UGT2B17: variants seen among roughly 807,000 people sequenced by gnomAD.
UGT2B17 encodes the protein UDP glucuronosyltransferase family 2 member B17.
In UGT2B17, 21 loss-of-function variants were observed where a neutral mutation model predicts 48.2. That is an observed-to-expected ratio of 0.44 (90% confidence interval 0.31 to 0.63). The LOEUF (loss-of-function observed/expected upper bound fraction) is 0.63. Among genes scored for constraint, UGT2B17 ranks in the 20% least tolerant of loss-of-function variants. UGT2B17 has a pLI of 0.08. For missense variants in UGT2B17, 402 were observed against 696.1 expected (o/e 0.58, Z 4.75); for synonymous variants, 146 against 238.4 (o/e 0.61, Z 3.57).
chr4:68,549,080 G>C (rs1578166358), intron 6 of UGT2B17, among the ~76,000 whole-genome samples: 2 of 123,650 alleles, frequency 1.6e-5, no homozygotes, highest in Admixed American at 8.4e-5. Flanking sequence ...CCTGTTTTCT[G>C]TTTCTTTGCT....
rs1360107986 is a variant in UGT2B17, at chr4:68,540,836, C to G, written c.1314-2932G>C. Among the ~76,000 whole-genome samples the G allele has an allele frequency of 1.6e-5, 2 of 124,700 alleles. 1 individual carries two copies. The highest frequency in any genetic ancestry group is 7.7e-4 in the South Asian group (2 of 2,594). The allele number at this position is 124,700 out of a possible 152,430, so 81.8% of individuals were successfully genotyped here. On this transcript the variant is annotated intron_variant, in intron 6 of 6. Transcript: ENST00000317746. ...AATGGCCCCGGTGTGTTTTGCTCCC[C>G]TCCCTGAGTCCATGTATTCTCATTT...
chr4:68,552,958 T>C lies in UGT2B17; in HGVS notation c.1006-1047A>G, dbSNP rs1315821299. Among the ~76,000 whole-genome samples the C allele has an allele frequency of 1.6e-5, 2 of 124,606 alleles. 1 individual carries two copies. Among genetic ancestry groups the C allele is most frequent in the Non-Finnish European group, 3.4e-5 (2 of 59,108 alleles). 81.7% of individuals were successfully genotyped at this position (124,606 alleles called of 152,430 possible). On this transcript the variant is annotated intron_variant, in intron 4 of 6. Coordinates refer to ENST00000317746, the MANE Select transcript of UGT2B17 (RefSeq NM_001077.4). ...TTGAGCTCACTCCCAGGAGGGAGGA[T>C]AAATTTGAGGTTTCTTTCCTACTTC...
chr4:68,572,449 G>A (rs1349273172), intron 1 of UGT2B17, among the ~76,000 whole-genome samples: 2 of 126,162 alleles, frequency 1.6e-5, no homozygotes, highest in Non-Finnish European at 3.4e-5. Flanking sequence ...CAAACAATTT[G>A]TTGTTGTTTT....
chr4:68,560,023 G>T (rs538315940), intron 4 of UGT2B17, among the ~76,000 whole-genome samples: 1 of 132,178 alleles, frequency 7.6e-6, no homozygotes, highest in African/African-American at 2.6e-5. Context: ...TGAACAGAAC[G>T]CTAAATAGAC....
chr4:68,557,489 G>A (rs1180020216), intron 4 of UGT2B17, among the ~76,000 whole-genome samples: 2 of 123,200 alleles, frequency 1.6e-5, no homozygotes, highest in South Asian at 3.7e-4. Context: ...TAATCTTTTT[G>A]ACTTTGCTTA....
At chr4:68,575,402 C>T (rs1731357223) in intron 1 of UGT2B17, among the ~76,000 whole-genome samples, 1 of 124,566 alleles carries the variant, frequency 8.0e-6, no homozygotes, top group African/African-American at 2.8e-5. Flanking sequence ...CTTCTGATGG[C>T]TAACCTACCT....
At chr4:68,561,400 T>C (rs2109772832) in intron 3 of UGT2B17, among the ~76,000 whole-genome samples, 1 of 124,448 alleles carries the variant, frequency 8.0e-6, no homozygotes, top group Middle Eastern at 4.0e-3. Context: ...CCATTTATAA[T>C]ACAGTATTAT....
At position 68,552,572 on chromosome 4, in the gene UGT2B17, G is replaced by A. The variant is rs1730936761; in HGVS notation, c.1006-661C>T. 3.2e-5 allele frequency among the ~76,000 whole-genome samples: 4 copies of A among 125,762 alleles called. 2 individuals are homozygous for A. The Admixed American group carries it at 3.3e-4, about 10-fold the overall frequency. 82.5% of individuals were successfully genotyped at this position (125,762 alleles called of 152,430 possible). On this transcript the variant is annotated intron_variant, in intron 4 of 6. Coordinates refer to ENST00000317746, the MANE Select transcript of UGT2B17 (RefSeq NM_001077.4). ...TCATGGGTGCACATTTTCAACCTTG[G>A]CAAAATAAACTTTCTAAATTAACTG...
chr4:68,541,116 A>T lies in UGT2B17; in HGVS notation c.1314-3212T>A, dbSNP rs1230241124. On this transcript the variant is annotated intron_variant, in intron 6 of 6. Coordinates refer to ENST00000317746, the MANE Select transcript of UGT2B17 (RefSeq NM_001077.4). ...AGTGCTGCAATAGACATACATGTGC[A>T]TGTGTCTTTACAGTAGAATGATTTA... Among the ~76,000 whole-genome samples, 2 of 125,950 alleles carry T rather than the reference A, an allele frequency of 1.6e-5. 1 individual carries two copies. Among genetic ancestry groups the T allele is most frequent in the Non-Finnish European group, 3.4e-5 (2 of 59,636 alleles). 82.6% of individuals were successfully genotyped at this position (125,950 alleles called of 152,430 possible).
chr4:68,550,612 A>G, intron 6 of UGT2B17, 65 bp downstream of exon 6: 2 of 1,204,556 alleles, frequency 1.7e-6, no homozygotes, highest in Non-Finnish European at 2.2e-6. Context: ...AAGGGTTCAA[A>G]CTCATATTCA....
intron 1 of UGT2B17, among the ~76,000 whole-genome samples, chr4:68,573,668 T>A (rs1263753317): frequency 7.9e-6 from 1 of 126,434 alleles, no homozygotes; most frequent in Non-Finnish European, 1.7e-5. Flanking sequence ...CCCAATGGAC[T>A]AAGGCACAAA....
intron 2 of UGT2B17, among the ~76,000 whole-genome samples, chr4:68,566,379 C>T (rs1270062722): frequency 8.5e-6 from 1 of 117,782 alleles, no homozygotes; most frequent in Non-Finnish European, 1.7e-5. Context: ...TATGGTTTGA[C>T]TGTCCCCACC....
At chr4:68,553,710 TC>T (rs1730954827) in intron 4 of UGT2B17, among the ~76,000 whole-genome samples, 2 of 125,282 alleles carry the variant, frequency 1.6e-5, no homozygotes, top group South Asian at 7.5e-4. Context: ...GTTATTTTTT[TC>T]CTCCTAGGAA....
intron 1 of UGT2B17, among the ~76,000 whole-genome samples, chr4:68,569,171 A>T (rs1204772211): frequency 8.1e-6 from 1 of 123,790 alleles, no homozygotes; most frequent in Non-Finnish European, 1.7e-5. Flanking sequence ...TGCATTGTGA[A>T]TTTTAGCTGC....
intron 3 of UGT2B17, among the ~76,000 whole-genome samples, chr4:68,562,839 A>G (rs1377904438): frequency 7.9e-6 from 1 of 126,148 alleles, no homozygotes; most frequent in African/African-American, 2.7e-5. Flanking sequence ...ATGCCTTTTT[A>G]TCCTACAAAA....
chr4:68,542,048 G>T lies in UGT2B17; in HGVS notation c.1314-4144C>A, dbSNP rs1379840329. Among the ~76,000 whole-genome samples, 3 of 124,706 alleles carry T rather than the reference G, an allele frequency of 2.4e-5. 1 individual carries two copies. The highest frequency in any genetic ancestry group is 8.1e-3 in the Middle Eastern group (2 of 248). 81.8% of individuals were successfully genotyped at this position (124,706 alleles called of 152,430 possible). On this transcript the variant is annotated intron_variant, in intron 6 of 6. Coordinates refer to ENST00000317746, the MANE Select transcript of UGT2B17 (RefSeq NM_001077.4). ...ACTATGCTGGTTTGGTTACTGTAAGGTGTAAGGAAGGGATCCAGTTGCAGT... is the reference window on the plus strand; with the variant it reads ...ACTATGCTGGTTTGGTTACTGTAAGTTGTAAGGAAGGGATCCAGTTGCAGT...
intron 2 of UGT2B17, among the ~76,000 whole-genome samples, chr4:68,567,014 G>T (rs1204075212): frequency 8.3e-6 from 1 of 120,586 alleles, no homozygotes; most frequent in African/African-American, 2.8e-5. Flanking sequence ...AATATAATTA[G>T]ATTTTTAAAA....
At chr4:68,570,708 C>A (rs1731285131) in intron 1 of UGT2B17, among the ~76,000 whole-genome samples, 1 of 125,820 alleles carries the variant, frequency 7.9e-6, no homozygotes, top group African/African-American at 2.7e-5. Context: ...AGCTTTTTAT[C>A]ATTTGAAGAA....
intron 4 of UGT2B17, among the ~76,000 whole-genome samples, chr4:68,552,437 G>T (rs1431422452): frequency 7.9e-6 from 1 of 126,014 alleles, no homozygotes; most frequent in Admixed American, 8.1e-5. Flanking sequence ...CTGAACAAAT[G>T]TCCATCTTAT....
Sources: allele counts gnomAD v4.1 joint callset (sites outside exome capture counted in the v4.1 genomes callset), GRCh38; gene constraint gnomAD v4.1.1; transcripts MANE v1.5; gene names NCBI Gene and HGNC (gene_info 2026-07-23, HGNC 2026-07-21).